RPS20: variants seen among roughly 807,000 people sequenced by gnomAD.
RPS20 encodes the protein ribosomal protein S20.
A neutral mutation model predicts 15.3 loss-of-function variants in RPS20; 3 were observed. That is an observed-to-expected ratio of 0.20 (90% CI 0.09 to 0.51). The LOEUF (loss-of-function observed/expected upper bound fraction) is 0.51, where lower values mean the gene tolerates loss of function less well. Ranked by LOEUF, RPS20 falls within the 20% of genes least tolerant of loss-of-function variation. RPS20 has a pLI of 0.96. For missense variants in RPS20, 67 were observed against 145.9 expected (o/e 0.46, Z 2.79); for synonymous variants, 62 against 47.8 (o/e 1.30, Z -1.23).
At chr8:56,068,867 C>T (rs966115339), downstream of RPS20, among the ~76,000 whole-genome samples, 2 of 106,084 alleles carry the variant, frequency 1.9e-5, no homozygotes, top group African/African-American at 7.5e-5. Flanking sequence ...CAGTCTGTCG[C>T]CCAGGCTGGA....
chr8:56,069,053 CTTTTT>C, downstream of RPS20, among the ~76,000 whole-genome samples: 2 of 150,436 alleles, frequency 1.3e-5, no homozygotes, highest in Non-Finnish European at 3.0e-5. Flanking sequence ...GGGGTGAGTT[CTTTTT>C]AAGTTAATGA....
chr8:56,073,474 C>T lies in RPS20; in HGVS notation c.178-202G>A, dbSNP rs766804490. 3.5e-4 allele frequency: 223 copies of T among 632,986 alleles called. No individual in the cohort carries two copies. The Middle Eastern group carries it at 5.9e-3, about 17-fold the overall frequency. The allele number at this position is 632,986 out of a possible 1,614,324, so 39.2% of individuals were successfully genotyped here. On this transcript the variant is annotated intron_variant, in intron 3 of 3. Transcript: ENST00000009589. ...AGGACACCACCCTTAGAGCTTGCGC[C>T]TGTTAAGCACCAAAGCACACCAAGA...
chr8:56,069,622 A>G (rs1244072609), downstream of RPS20: 4 of 989,328 alleles, frequency 4.0e-6, no homozygotes, highest in African/African-American at 1.6e-5. Flanking sequence ...CTTTCAAAAG[A>G]TAAAATTTCA....
rs1207821774 is a variant in RPS20, at chr8:56,074,479, C to G, written c.-96G>C. 3 of 1,351,448 alleles carry G rather than the reference C, an allele frequency of 2.2e-6. No individual in the cohort carries two copies. Among genetic ancestry groups the G allele is most frequent in the Admixed American group, 2.2e-5 (1 of 45,254 alleles). The allele number at this position is 1,351,448 out of a possible 1,614,324, so 83.7% of individuals were successfully genotyped here. On this transcript the variant is annotated 5_prime_UTR_variant, in exon 1 of 4. Transcript: ENST00000009589. Reference sequence around the variant, plus strand: ...GAGCGTGCGGACCAAAAATCCTCAGCCCTTACGACCGCGTCTTCCTCAAAA... The same window carrying G: ...GAGCGTGCGGACCAAAAATCCTCAGGCCTTACGACCGCGTCTTCCTCAAAA...
downstream of RPS20, among the ~76,000 whole-genome samples, chr8:56,069,038 T>A (rs1298801415): frequency 1.3e-5 from 2 of 149,822 alleles, no homozygotes; most frequent in East Asian, 1.9e-4. Flanking sequence ...CCTCAGATGA[T>A]CCATGGGGTG....
At chr8:56,074,341 A>G (rs780051165) in intron 1 of RPS20, 40 bp downstream of exon 1, 1 of 1,548,618 alleles carries the variant, frequency 6.5e-7, no homozygotes. Flanking sequence ...CCGGCGCCCG[A>G]GCCCTGCGTT....
chr8:56,072,257 A>T (rs919584265), downstream of RPS20, among the ~76,000 whole-genome samples: 1 of 152,014 alleles, frequency 6.6e-6, no homozygotes, highest in Non-Finnish European at 1.5e-5. Flanking sequence ...TAAAAAATGT[A>T]AAAGTGAAAA....
downstream of RPS20, chr8:56,069,979 C>T (rs1809707742): frequency 3.1e-6 from 2 of 642,082 alleles, no homozygotes; most frequent in Middle Eastern, 8.0e-4. Context: ...CTAGAGATGA[C>T]AAATTATACA....
chr8:56,069,700 T>C (rs370132418), downstream of RPS20: 25 of 1,542,666 alleles, frequency 1.6e-5, no homozygotes, highest in Non-Finnish European at 2.0e-5. Flanking sequence ...TCTCCACTTA[T>C]ACCTGCTTGG....
downstream of RPS20, chr8:56,072,880 G>A (rs1809803562): frequency 2.3e-6 from 3 of 1,293,262 alleles, no homozygotes; most frequent in Non-Finnish European, 2.0e-6. Context: ...AAACCAGTCA[G>A]GTCTCACATA....
At chr8:56,072,479 G>A (rs1809791307), downstream of RPS20, among the ~76,000 whole-genome samples, 7 of 149,530 alleles carry the variant, frequency 4.7e-5, no homozygotes, top group South Asian at 1.5e-3. Context: ...TTGAACCTGG[G>A]AGGCAGAGGT....
At chr8:56,071,939 T>C (rs76179351), downstream of RPS20, among the ~76,000 whole-genome samples, 2 of 152,136 alleles carry the variant, frequency 1.3e-5, no homozygotes, top group African/African-American at 4.8e-5. Flanking sequence ...TGTAAGGGTA[T>C]CTATCTGATT....
At chr8:56,072,902 A>C, downstream of RPS20, 1 of 1,349,238 alleles carries the variant, frequency 7.4e-7, no homozygotes, top group Non-Finnish European at 9.5e-7. Context: ...TATGTAGTTA[A>C]CGGAATCCAG....
downstream of RPS20, among the ~76,000 whole-genome samples, chr8:56,071,553 TAGGGG>T (rs1227879385): frequency 1.3e-5 from 2 of 152,106 alleles, no homozygotes; most frequent in Non-Finnish European, 2.9e-5. Context: ...GTAACAGCAG[TAGGGG>T]AGGGGCAAGG....
At chr8:56,072,993 C>T, downstream of RPS20, 1 of 1,496,390 alleles carries the variant, frequency 6.7e-7, no homozygotes, top group Non-Finnish European at 8.8e-7. Flanking sequence ...AAGTGGAAGT[C>T]TCATAGTACA....
chr8:56,072,812 C>G, downstream of RPS20: 5 of 1,100,290 alleles, frequency 4.5e-6, no homozygotes, highest in Non-Finnish European at 5.6e-6. Flanking sequence ...CTTAACACCC[C>G]ATACCAATCA....
At chr8:56,070,222 G>T (rs984257447), downstream of RPS20, among the ~76,000 whole-genome samples, 14 of 152,110 alleles carry the variant, frequency 9.2e-5, no homozygotes, top group Non-Finnish European at 1.0e-4. Flanking sequence ...CAGAGACAGT[G>T]AACACCCATA....
rs947836738 is a variant in RPS20, at chr8:56,073,284, G to C, written c.178-12C>G. 11 of 1,547,904 alleles carry C rather than the reference G, an allele frequency of 7.1e-6. No homozygotes were observed. The highest frequency in any genetic ancestry group is 2.2e-5 in the South Asian group (2 of 89,890). ...GTGATTCTCAAAGTCTGTAACAAAA[G>C]ACAAAGGAAACCAAGTGTTTATCGT... On this transcript the variant is annotated splice_polypyrimidine_tract_variant and intron_variant, in intron 3 of 3. Transcript: ENST00000009589.
downstream of RPS20, among the ~76,000 whole-genome samples, chr8:56,072,352 G>A (rs931006251): frequency 6.6e-6 from 1 of 152,158 alleles, no homozygotes; most frequent in Non-Finnish European, 1.5e-5. Flanking sequence ...AGGAGTTTGA[G>A]ACCAGCCTGA....
Sources: gnomAD v4.1 joint callset for allele counts (sites outside exome capture counted in the v4.1 genomes callset) on GRCh38, gnomAD v4.1.1 for gene constraint, MANE v1.5 for transcripts, NCBI Gene and HGNC (gene_info 2026-07-23, HGNC 2026-07-21) for gene names.